Variants in ARL9 observed in about 807,000 individuals in gnomAD.
ARL9 encodes ARF like GTPase 9, also known as ADP-ribosylation factor-like protein 9.
ARL9 carries 14 observed loss-of-function variants against 27.0 expected under a neutral mutation model. The observed-to-expected ratio is 0.52, with a 90% CI of 0.34 to 0.81. The LOEUF (loss-of-function observed/expected upper bound fraction) is 0.81. Ranked by LOEUF, ARL9 falls within the 30% of genes least tolerant of loss-of-function variation. ARL9 has a pLI of 0.01. For missense variants in ARL9, 294 were observed against 290.0 expected (o/e 1.01, Z -0.10); for synonymous variants, 106 against 108.7 (o/e 0.98, Z 0.15).
chr4:56,506,166 C>T, intron 1 of ARL9, 25 bp downstream of exon 1: 1 of 1,233,088 alleles, frequency 8.1e-7, no homozygotes, highest in Non-Finnish European at 1.0e-6. Flanking sequence ...GCCCAGGACC[C>T]CTTGCCCCAA....
chr4:56,511,755 G>C (rs1721641430), intron 2 of ARL9, among the ~76,000 whole-genome samples: 1 of 152,170 alleles, frequency 6.6e-6, no homozygotes, highest in Non-Finnish European at 1.5e-5. Flanking sequence ...CTACTGGATA[G>C]TAATTCTGGA....
At chr4:56,510,354 C>CAA (rs769085578) in intron 1 of ARL9, among the ~76,000 whole-genome samples, 6 of 75,140 alleles carry the variant, frequency 8.0e-5, no homozygotes, top group African/African-American at 1.9e-4. Flanking sequence ...GACTCCAACT[C>CAA]AAAAAAAAAA....
intron 2 of ARL9, among the ~76,000 whole-genome samples, chr4:56,518,052 G>T (rs1275561080): frequency 6.6e-6 from 1 of 151,506 alleles, no homozygotes. Context: ...GGAGTGTGGT[G>T]GCGCAAACAC....
At position 56,523,881 on chromosome 4, in the gene ARL9, G is replaced by C. The variant is rs781665242; in HGVS notation, c.*5G>C. 9.9e-6 allele frequency: 16 copies of C among 1,611,362 alleles called. No individual in the cohort carries two copies. Among genetic ancestry groups the C allele is most frequent in the Non-Finnish European group, 1.4e-5 (16 of 1,178,416 alleles). On this transcript the variant is annotated 3_prime_UTR_variant, in exon 4 of 4. Coordinates refer to ENST00000640821, the MANE Select transcript of ARL9 (RefSeq NM_001363794.2). Reference sequence around the variant, plus strand: ...CTGGCTGCAGATGTGCAGTGACCAGGACTCAGCCCACTGTGCGGCTCACGA... The same window carrying C: ...CTGGCTGCAGATGTGCAGTGACCAGCACTCAGCCCACTGTGCGGCTCACGA...
intron 2 of ARL9, among the ~76,000 whole-genome samples, chr4:56,516,584 C>CAAAA (rs10718013): frequency 2.5e-5 from 3 of 120,872 alleles, no homozygotes; most frequent in Admixed American, 9.0e-5. Flanking sequence ...TCAAATTAGG[C>CAAAA]AAAAAAAAAA....
chr4:56,509,385 A>T (rs1421597862), intron 1 of ARL9, among the ~76,000 whole-genome samples: 16 of 149,722 alleles, frequency 1.1e-4, no homozygotes, highest in Non-Finnish European at 1.2e-4. Context: ...TTTTTGGTAG[A>T]GACAGGGTTA....
At chr4:56,514,064 T>G (rs552240046) in intron 2 of ARL9, among the ~76,000 whole-genome samples, 1 of 152,164 alleles carries the variant, frequency 6.6e-6, no homozygotes, top group African/African-American at 2.4e-5. Flanking sequence ...CCAGCTACTC[T>G]GGAGGCTGAG....
rs200616211 is a variant in ARL9, at chr4:56,505,976, TAAAC to T, written c.118_121del (p.Gln40SerfsTer45). 0.03 allele frequency: 36,121 copies of T among 1,206,030 alleles called. 1,225 individuals carry two copies. The highest frequency in any genetic ancestry group is 0.22 in the East Asian group (6,877 of 30,938). The allele number at this position is 1,206,030 out of a possible 1,614,324, so 74.7% of individuals were successfully genotyped here. On this transcript the variant is annotated frameshift_variant, in exon 1 of 4. Transcript: ENST00000640821. LOFTEE classifies it high-confidence loss of function. ...AAAGAAAGGAGGTGGAGCAGAAAAT[TAAAC>T]AAAAGCAAGAGAAGCAGGAGAGGAG... is the stretch of plus-strand genomic sequence containing the variant.
intron 2 of ARL9, 143 bp downstream of exon 2, chr4:56,511,490 T>A: frequency 1.1e-6 from 1 of 922,042 alleles, no homozygotes; most frequent in Non-Finnish European, 1.6e-6. Context: ...TGTAGTTTAA[T>A]ACCCAGGTAC....
At chr4:56,513,204 C>G (rs375794252) in intron 2 of ARL9, among the ~76,000 whole-genome samples, 1 of 151,836 alleles carries the variant, frequency 6.6e-6, no homozygotes, top group Non-Finnish European at 1.5e-5. Flanking sequence ...TCTAAGGAGG[C>G]TTTTTTTTAG....
At chr4:56,523,632 G>A (rs1018625857) in intron 3 of ARL9, 65 bp from the exon 4 acceptor site, 2 of 1,324,422 alleles carry the variant, frequency 1.5e-6, no homozygotes, top group African/African-American at 2.9e-5. Flanking sequence ...AGTAATAAAT[G>A]TGTTTATCTG....
intron 1 of ARL9, among the ~76,000 whole-genome samples, chr4:56,506,905 C>A (rs1252415604): frequency 6.6e-6 from 1 of 151,970 alleles, no homozygotes; most frequent in African/African-American, 2.4e-5. Flanking sequence ...TGGCACCGCC[C>A]CCATCTCCCA....
chr4:56,506,204 C>T, intron 1 of ARL9, 63 bp downstream of exon 1: 1 of 1,230,762 alleles, frequency 8.1e-7, no homozygotes. Context: ...CAGACCCCAG[C>T]GCTGTCTCTG....
At chr4:56,522,278 G>T (rs558664423) in intron 3 of ARL9, among the ~76,000 whole-genome samples, 2 of 152,082 alleles carry the variant, frequency 1.3e-5, no homozygotes, top group Admixed American at 1.3e-4. Context: ...AAAATTAGCT[G>T]GGTGTGGTGG....
intron 2 of ARL9, among the ~76,000 whole-genome samples, chr4:56,518,238 T>C (rs949649944): frequency 1.3e-5 from 2 of 152,172 alleles, no homozygotes; most frequent in African/African-American, 2.4e-5. Context: ...GGCCTCACCC[T>C]GTCGCCCAGG....
chr4:56,505,658 C>A, upstream of ARL9: 1 of 826,970 alleles, frequency 1.2e-6, no homozygotes, highest in Non-Finnish European at 1.8e-6. Context: ...CCTGCGGGTT[C>A]AGCGAATCGG....
chr4:56,514,379 A>G (rs1215017489), intron 2 of ARL9, among the ~76,000 whole-genome samples: 1 of 152,252 alleles, frequency 6.6e-6, no homozygotes, highest in African/African-American at 2.4e-5. Flanking sequence ...AAGACACAGT[A>G]GCAAAGATCA....
rs375064985 is a variant in ARL9 at position 56,523,769 on chromosome 4, A to G, written c.691A>G (p.Lys231Glu). 12 of 1,613,920 alleles carry G rather than the reference A, an allele frequency of 7.4e-6. No homozygotes were observed. In the African/African-American group the frequency reaches 1.2e-4, roughly 16 times the overall value. Residue 231 changes from lysine (K) to glutamate (E), a missense_variant, in exon 4 of 4, where the codon AAG becomes GAG. By Grantham distance (56) the Lys-to-Glu change is moderately conservative (BLOSUM62 1). Transcript: ENST00000640821. ...ATTATCTGAAGTGGGAAATGACAGGAAGATGTTCTTGTTTGGAACCTACCT... is the reference window on the plus strand; with the variant it reads ...ATTATCTGAAGTGGGAAATGACAGGGAGATGTTCTTGTTTGGAACCTACCT... ...LALSEVGNDRKMFLFGTYLTK... is the reference protein window; with the variant it reads ...LALSEVGNDREMFLFGTYLTK...
chr4:56,521,990 T>C (rs1721933332), intron 3 of ARL9, among the ~76,000 whole-genome samples: 1 of 151,422 alleles, frequency 6.6e-6, no homozygotes, highest in South Asian at 2.1e-4. Flanking sequence ...TTTCTTTTCT[T>C]TTCTTTTTTT....
Sources: allele counts gnomAD v4.1 joint callset (sites outside exome capture counted in the v4.1 genomes callset), GRCh38; gene constraint gnomAD v4.1.1; transcripts MANE v1.5; gene names NCBI Gene and HGNC (gene_info 2026-07-23, HGNC 2026-07-21).